MYH4: variants seen among roughly 807,000 people sequenced by gnomAD.
MYH4 encodes the protein myosin-4.
MYH4 carries 200 observed loss-of-function variants against 229.9 expected under a neutral mutation model. The observed-to-expected ratio is 0.87, with a 90% CI of 0.78 to 0.98. The LOEUF is 0.98. Among genes scored for constraint, MYH4 ranks in the 50% least tolerant of loss-of-function variants. The pLI, the probability that MYH4 is intolerant of heterozygous loss-of-function variation, is 0.00. For synonymous variants in MYH4, 761 were observed against 834.6 expected, an observed-to-expected ratio of 0.91 and a Z score of 1.52; for missense variants, 2,148 against 2,332.6, an observed-to-expected ratio of 0.92 and a Z score of 1.63.
chr17:10,467,448 A>T (rs1274274609), intron 2 of MYH4, among the ~76,000 whole-genome samples: 1 of 152,212 alleles, frequency 6.6e-6, no homozygotes, highest in Admixed American at 6.5e-5. Flanking sequence ...ATTTTGCCCT[A>T]AGTTAAAATT....
chr17:10,468,997 C>T (rs911133950), intron 2 of MYH4, among the ~76,000 whole-genome samples: 2 of 152,156 alleles, frequency 1.3e-5, no homozygotes, highest in African/African-American at 2.4e-5. Flanking sequence ...CATGCGGTCT[C>T]TCTGATATAT....
intron 24 of MYH4, 39 bp from the exon 25 acceptor site, chr17:10,452,971 G>A (rs778164230): frequency 6.3e-7 from 1 of 1,596,816 alleles, no homozygotes; most frequent in South Asian, 1.2e-5. Flanking sequence ...CAGCTCTTAA[G>A]CACTGAACCC....
In MYH4 at chr17:10,466,404, TCA is replaced by T; in HGVS notation, c.215_216del (p.Val72GlufsTer14). ...TTCATGGAGAAGACTTGGTCTTCTT[TCA>T]CAGTTACAGTCTGTTAAGAAAAGAA... is the stretch of plus-strand genomic sequence containing the variant. ...AKTEAGATVTVKEDQVFSMNP... is the reference protein window; with the variant it reads ...AKTEAGATVTXKEDQVFSMNP... On this transcript the variant is annotated frameshift_variant, in exon 4 of 40. Transcript: ENST00000255381. LOFTEE classifies it high-confidence loss of function. 6.2e-7 allele frequency: 1 copy of T among 1,614,176 alleles called. No individual in the cohort carries two copies. The highest frequency in any genetic ancestry group is 8.5e-7 in the Non-Finnish European group (1 of 1,180,028).
Position 10,459,414 on chromosome 17 carries a change from C to G in MYH4, c.1424G>C (p.Ser475Thr). ...GAAGTTGATGCACAGCTGCTCCAGG[C>G]TGTTGAACTACAGAACAAGATAAAT... is the stretch of plus-strand genomic sequence containing the variant. ...IAGFEIFDFN[S>T]LEQLCINFTN... The change falls in exon 15 of 40, where the codon AGC (serine) becomes ACC (threonine). Residue 475 changes from serine (S) to threonine (T), a missense_variant. Ser to Thr is a moderately conservative substitution (Grantham distance 58). Coordinates refer to ENST00000255381, the MANE Select transcript of MYH4 (RefSeq NM_017533.2). 6.2e-7 allele frequency: 1 copy of G among 1,614,120 alleles called. No homozygotes were observed. Among genetic ancestry groups the G allele is most frequent in the Non-Finnish European group, 8.5e-7 (1 of 1,180,026 alleles).
chr17:10,468,397 A>T (rs2072789294), intron 2 of MYH4, among the ~76,000 whole-genome samples: 1 of 152,220 alleles, frequency 6.6e-6, no homozygotes, highest in Non-Finnish European at 1.5e-5. Flanking sequence ...CCACCCACAC[A>T]GTGATCATTG....
intron 16 of MYH4, among the ~76,000 whole-genome samples, chr17:10,456,996 A>G (rs1434642361): frequency 6.6e-6 from 1 of 152,262 alleles, no homozygotes; most frequent in Non-Finnish European, 1.5e-5. Context: ...CTGTGCTTCC[A>G]TGGTGTTACT....
At position 10,459,409 on chromosome 17, in the gene MYH4, C is replaced by G. The variant is rs1208990625; in HGVS notation, c.1429G>C (p.Glu477Gln). The change falls in exon 15 of 40, where the codon GAG (glutamate) becomes CAG (glutamine). Residue 477 changes from glutamate (E) to glutamine (Q), a missense_variant. Coordinates refer to ENST00000255381, the MANE Select transcript of MYH4 (RefSeq NM_017533.2). ...TTGGTGAAGTTGATGCACAGCTGCT[C>G]CAGGCTGTTGAACTACAGAACAAGA... is the stretch of plus-strand genomic sequence containing the variant. ...GFEIFDFNSL[E>Q]QLCINFTNEK... 6.2e-7 allele frequency: 1 copy of G among 1,614,070 alleles called. No individual in the cohort carries two copies. The highest frequency in any genetic ancestry group is 2.2e-5 in the East Asian group (1 of 44,876).
Position 10,444,878 on chromosome 17 carries a change from C to T in MYH4, c.5488G>A (p.Val1830Met), listed in dbSNP as rs1178036460. Residue 1830 changes from valine (V) to methionine (M), a missense_variant, in exon 38 of 40, where the codon GTG becomes ATG. Coordinates refer to ENST00000255381, the MANE Select transcript of MYH4 (RefSeq NM_017533.2). The stretch of plus-strand genomic sequence containing the variant: ...ACATTGTGCTTCTGTTCACTTTCCA[C>T]CTCACTTTCAAGCTCTCTCACCTGG... ...EARVRELESEVESEQKHNVEA... is the reference protein window; with the variant it reads ...EARVRELESEMESEQKHNVEA... 1 of 1,613,992 alleles carries T rather than the reference C, an allele frequency of 6.2e-7. No individual in the cohort carries two copies. The highest frequency in any genetic ancestry group is 2.2e-5 in the East Asian group (1 of 44,882).
rs1200294555 is a variant in MYH4 at position 10,452,046 on chromosome 17, A to G, written c.3633T>C (p.Ile1211=). ...TCTGCTTGACCCGCTGAAGGCTGTC[A>G]ATCTGCTCCCCAAGCTCAGCCACAC... ...ADSVAELGEQ[I]DSLQRVKQKL... The change falls in exon 27 of 40, where the codon ATT becomes ATC. Residue 1211 remains isoleucine (I), a synonymous_variant. Transcript: ENST00000255381. The G allele has an allele frequency of 2.1e-5, 34 of 1,613,766 alleles. No individual in the cohort carries two copies. Among genetic ancestry groups the G allele is most frequent in the Non-Finnish European group, 2.7e-5 (32 of 1,179,958 alleles).
intron 30 of MYH4, 70 bp downstream of exon 30, chr17:10,450,383 C>T: frequency 6.2e-7 from 1 of 1,610,092 alleles, no homozygotes; most frequent in Middle Eastern, 1.7e-4. Flanking sequence ...GGAATATTCT[C>T]TTTCTTCTAT....
chr17:10,451,214 A>T lies in MYH4; in HGVS notation c.3865+112T>A, dbSNP rs2142215127. 5.3e-6 allele frequency: 7 copies of T among 1,311,548 alleles called. No homozygotes were observed. The Admixed American group carries it at 1.2e-4, about 22-fold the overall frequency. 81.2% of individuals were successfully genotyped at this position (1,311,548 alleles called of 1,614,324 possible). A position where few individuals can be genotyped will look rare whatever the true frequency, so the allele number is the denominator to read the frequency against. On this transcript the variant is annotated intron_variant, in intron 28 of 39. Transcript: ENST00000255381. ...ATAAAAAGATGGAGGAATAAGTAAG[A>T]CATGATAAATGAATGTACAGAGCTT...
Position 10,454,553 on chromosome 17 carries a change from A to C in MYH4, c.2691+2T>G, listed in dbSNP as rs1391088335. ...GGCTGAACTGCAATGTATAATACTT[A>C]CAGCTTGAACTTGGAGTTGTAAGTC... On this transcript the variant is annotated splice_donor_variant, in intron 22 of 39. Transcript: ENST00000255381. LOFTEE classifies it high-confidence loss of function. 3.7e-6 allele frequency: 6 copies of C among 1,613,390 alleles called. No homozygotes were observed. Among genetic ancestry groups the C allele is most frequent in the Non-Finnish European group, 5.1e-6 (6 of 1,179,876 alleles).
At chr17:10,449,291 A>C (rs976728957) in intron 30 of MYH4, among the ~76,000 whole-genome samples, 1 of 152,216 alleles carries the variant, frequency 6.6e-6, no homozygotes, top group East Asian at 1.9e-4. Context: ...TGTATGAGAG[A>C]AAGAGAATAT....
intron 11 of MYH4, 78 bp downstream of exon 11, chr17:10,462,787 G>C (rs1356656227): frequency 1.6e-6 from 2 of 1,216,728 alleles, no homozygotes; most frequent in East Asian, 4.7e-5. Context: ...TTCTGCCACT[G>C]CTTTCCACCC....
In MYH4 at chr17:10,453,742, C is replaced by T. The variant is rs1178430186; in HGVS notation, c.2835G>A (p.Arg945=). The T allele has an allele frequency of 6.2e-7, 1 of 1,613,954 alleles. No homozygotes were observed. Among genetic ancestry groups the T allele is most frequent in the Non-Finnish European group, 8.5e-7 (1 of 1,180,012 alleles). The part of the protein sequence containing the change: ...EINAELTAKK[R]KLEDECSELK... ...GCTCTGAACATTCATCCTCCAGTTT[C>T]CTCTTCTTGGCTGTCAGCTCAGCAT... The change falls in exon 23 of 40, where the codon AGG becomes AGA. Residue 945 remains arginine (R), a synonymous_variant. Coordinates refer to ENST00000255381, the MANE Select transcript of MYH4 (RefSeq NM_017533.2).
In MYH4 at chr17:10,464,525, T is replaced by C; in HGVS notation, c.595A>G (p.Ile199Val). 3.1e-6 allele frequency: 5 copies of C among 1,614,148 alleles called. 1 individual carries two copies. Among genetic ancestry groups the C allele is most frequent in the East Asian group, 4.5e-5 (2 of 44,872 alleles). The change falls in exon 7 of 40, where the codon ATT becomes GTT. Residue 199 changes from isoleucine (I) to valine (V), a missense_variant. By Grantham distance (29) the Ile-to-Val change is conservative. Transcript: ENST00000255381. ...TKRVIQYFAT[I>V]AVTGEKKKEE... is the part of the protein sequence containing the mutation. ...TTTTTCTTCTCTCCAGTAACTGCAA[T>C]TGTTGCAAAGTACTGGATGACACGC...
At position 10,445,026 on chromosome 17, in the gene MYH4, G is replaced by T. The variant is rs1280476018; in HGVS notation, c.5416C>A (p.Gln1806Lys). 2 of 1,614,132 alleles carry T rather than the reference G, an allele frequency of 1.2e-6. No individual in the cohort carries two copies. Among genetic ancestry groups the T allele is most frequent in the Non-Finnish European group, 1.7e-6 (2 of 1,180,024 alleles). Residue 1806 changes from glutamine (Q) to lysine (K), a missense_variant, in exon 37 of 40, where the codon CAG becomes AAG. Transcript: ENST00000255381. ...TTCTTCCCACCCTTCAGCGCCAGCT[G>T]CTCAGCCTCATCCAGACGGAGCTGC... ...DLQLRLDEAEQLALKGGKKQI... is the reference protein window; with the variant it reads ...DLQLRLDEAEKLALKGGKKQI...
chr17:10,461,316 G>A (rs2072699174), intron 11 of MYH4, among the ~76,000 whole-genome samples: 1 of 152,088 alleles, frequency 6.6e-6, no homozygotes, highest in African/African-American at 2.4e-5. Context: ...ACTGAACCAG[G>A]ACTAAGAGCC....
intron 39 of MYH4, among the ~76,000 whole-genome samples, chr17:10,444,388 G>A (rs1300488838): frequency 6.6e-6 from 1 of 152,138 alleles, no homozygotes; most frequent in East Asian, 1.9e-4. Context: ...ATGTTAACAT[G>A]TCTGGAAAAT....
Sources: allele counts gnomAD v4.1 joint callset (sites outside exome capture counted in the v4.1 genomes callset), GRCh38; gene constraint gnomAD v4.1.1; transcripts MANE v1.5; gene names NCBI Gene and HGNC (gene_info 2026-07-23, HGNC 2026-07-21).